The following ACTA2 variants were observed in gnomAD, a reference collection of about 807,000 sequenced individuals.
ACTA2 encodes actin alpha 2, smooth muscle.
ACTA2 carries 12 observed loss-of-function variants against 39.5 expected under a neutral mutation model. The observed-to-expected ratio is 0.30, with a 90% CI of 0.19 to 0.49. ACTA2 has a LOEUF of 0.49. ACTA2 is among the 20% of genes least tolerant of loss of function. The pLI is 0.99. For synonymous variants in ACTA2, 158 were observed against 180.6 expected, an observed-to-expected ratio of 0.88 and a Z score of 1.00; for missense variants, 236 against 498.8, an observed-to-expected ratio of 0.47 and a Z score of 5.02.
chr10:88,979,244 T>A (rs1030781330), intron 1 of ACTA2, among the ~76,000 whole-genome samples: 2 of 151,176 alleles, frequency 1.3e-5, no homozygotes, highest in African/African-American at 4.9e-5. Context: ...GGGAAGAAAG[T>A]GAGTACTGAG....
intron 8 of ACTA2, chr10:88,935,634 G>T (rs1845723126): frequency 5.1e-6 from 2 of 394,404 alleles, no homozygotes; most frequent in African/African-American, 2.1e-5. Flanking sequence ...CAAACTGAAA[G>T]TTGGCTCCAA....
chr10:88,936,640 C>T (rs1376248009), intron 8 of ACTA2, among the ~76,000 whole-genome samples: 1 of 150,422 alleles, frequency 6.6e-6, no homozygotes, highest in African/African-American at 2.4e-5. Context: ...CACCATGATT[C>T]GAAGCTTTCT....
At chr10:88,950,020 A>AG (rs1846021919) in intron 1 of ACTA2, among the ~76,000 whole-genome samples, 1 of 152,190 alleles carries the variant, frequency 6.6e-6, no homozygotes, top group Non-Finnish European at 1.5e-5. Context: ...GCAGCCTATC[A>AG]ACTTACAAAT....
At chr10:88,950,531 T>C (rs966346656) in intron 1 of ACTA2, among the ~76,000 whole-genome samples, 1 of 152,192 alleles carries the variant, frequency 6.6e-6, no homozygotes. Flanking sequence ...AAAACTGCAA[T>C]TGAGATGACA....
intron 3 of ACTA2, among the ~76,000 whole-genome samples, chr10:88,946,330 G>A (rs566553806): frequency 7.7e-5 from 11 of 143,276 alleles, no homozygotes; most frequent in African/African-American, 2.6e-4. Context: ...TGCTCAGGCT[G>A]GTCTCAAACT....
Position 88,990,797 on chromosome 10 carries a change from C to T in ACTA2, c.-24+142G>A, listed in dbSNP as rs751816611. 2.3e-5 allele frequency: 36 copies of T among 1,593,874 alleles called. No homozygotes were observed. The African/African-American group carries it at 4.4e-4, about 20-fold the overall frequency. On this transcript the variant is annotated intron_variant, in intron 1 of 4. Transcript: ENST00000415557. The surrounding 1 kb of genome is among the most constrained non-coding windows in gnomAD (Gnocchi z 4.9). ...AGCCCTGGCTGCCCAGGCGGAGCTGCCTCTTCTCCCGCGGGTTGGTGGACC... is the reference window on the plus strand; with the variant it reads ...AGCCCTGGCTGCCCAGGCGGAGCTGTCTCTTCTCCCGCGGGTTGGTGGACC...
In ACTA2 at chr10:88,939,492, G is replaced by T. The variant is rs770785764; in HGVS notation, c.808+15C>A. The T allele has an allele frequency of 1.2e-6, 2 of 1,612,286 alleles. No homozygotes were observed. The highest frequency in any genetic ancestry group is 1.1e-5 in the South Asian group (1 of 91,008). ...AATGACTCCCCTTCCCAGGAAAAGG[G>T]CGTTTGTTGCCTACCGATGAAGGAT... On this transcript the variant is annotated intron_variant, in intron 7 of 8. Transcript: ENST00000224784.
At chr10:88,960,427 C>T (rs191521212) in intron 1 of ACTA2, among the ~76,000 whole-genome samples, 10 of 152,140 alleles carry the variant, frequency 6.6e-5, no homozygotes, top group Middle Eastern at 3.4e-3. Flanking sequence ...CTCCTCTAAA[C>T]GCAAAACAGT....
chr10:88,960,802 A>G (rs1051278955), intron 1 of ACTA2, among the ~76,000 whole-genome samples: 3 of 152,174 alleles, frequency 2.0e-5, no homozygotes, highest in Admixed American at 1.3e-4. Flanking sequence ...ATTTGTCACT[A>G]GTGGATTCCT....
intron 4 of ACTA2, among the ~76,000 whole-genome samples, chr10:88,942,416 G>A (rs1845872517): frequency 6.6e-6 from 1 of 152,156 alleles, no homozygotes; most frequent in African/African-American, 2.4e-5. Context: ...TTTGTCTGAG[G>A]TTCTATTTAA....
At chr10:88,936,536 G>T (rs921607643) in intron 8 of ACTA2, among the ~76,000 whole-genome samples, 1 of 152,000 alleles carries the variant, frequency 6.6e-6, no homozygotes, top group African/African-American at 2.4e-5. Flanking sequence ...ATGAAATCTG[G>T]TTATTTCAAA....
chr10:88,940,660 A>T (rs573922912), intron 6 of ACTA2: 12 of 176,894 alleles, frequency 6.8e-5, no homozygotes, highest in Non-Finnish European at 1.2e-4. Context: ...TAGAATCTGA[A>T]TACACATATG....
At chr10:88,967,104 C>T (rs1347211697) in intron 1 of ACTA2, among the ~76,000 whole-genome samples, 3 of 152,218 alleles carry the variant, frequency 2.0e-5, no homozygotes, top group Non-Finnish European at 4.4e-5. Context: ...CTCGAGATAT[C>T]TTTGGATGCA....
chr10:88,942,084 G>A (rs987593678), intron 4 of ACTA2, among the ~76,000 whole-genome samples: 1 of 152,188 alleles, frequency 6.6e-6, no homozygotes, highest in Non-Finnish European at 1.5e-5. Flanking sequence ...ACAGGGTGGG[G>A]AGGGGAAGAA....
At chr10:88,937,236 T>A (rs1845758977) in intron 8 of ACTA2, among the ~76,000 whole-genome samples, 2 of 152,228 alleles carry the variant, frequency 1.3e-5, no homozygotes, top group Non-Finnish European at 2.9e-5. Context: ...GTTAGCTGCA[T>A]ACTCCTTCTA....
At chr10:88,989,188 T>C (rs140251867) in intron 1 of ACTA2, among the ~76,000 whole-genome samples, 407 of 152,284 alleles carry the variant, frequency 2.7e-3, no homozygotes, top group African/African-American at 9.4e-3. Context: ...GTAAGGAAGA[T>C]CCACATATGT....
At chr10:88,952,068 GA>G (rs1846059789) in intron 1 of ACTA2, among the ~76,000 whole-genome samples, 1 of 152,166 alleles carries the variant, frequency 6.6e-6, no homozygotes, top group South Asian at 2.1e-4. Context: ...TCTTTCCAGA[GA>G]AAAATTCAGC....
intron 3 of ACTA2, among the ~76,000 whole-genome samples, chr10:88,945,668 TA>T (rs1272634270): frequency 6.6e-6 from 1 of 152,228 alleles, no homozygotes; most frequent in African/African-American, 2.4e-5. Flanking sequence ...AAATAATTTT[TA>T]AAATATTTAT....
intron 1 of ACTA2, among the ~76,000 whole-genome samples, chr10:88,989,848 A>T (rs1334304064): frequency 6.6e-6 from 1 of 152,224 alleles, no homozygotes; most frequent in East Asian, 1.9e-4. Context: ...TCCAGTCTGG[A>T]ACTGCATCCA....
Sources: allele counts gnomAD v4.1 joint callset (sites outside exome capture counted in the v4.1 genomes callset), GRCh38; gene constraint gnomAD v4.1.1; non-coding constraint Gnocchi (gnomAD v3.1); transcripts MANE v1.5; gene names NCBI Gene and HGNC (gene_info 2026-07-23, HGNC 2026-07-21).